Variants in SLC35F1 observed in about 807,000 individuals in gnomAD.
SLC35F1 encodes the protein solute carrier family 35 member F1.
A neutral mutation model predicts 48.7 loss-of-function variants in SLC35F1; 14 were observed. That is an observed-to-expected ratio of 0.29 (90% CI 0.19 to 0.45). The LOEUF is 0.45. Among genes scored for constraint, SLC35F1 ranks in the 20% least tolerant of loss-of-function variants. The pLI is 1.00. For missense variants in SLC35F1, 404 were observed against 500.0 expected (o/e 0.81, Z 1.83); for synonymous variants, 190 against 202.2 (o/e 0.94, Z 0.51).
intron 1 of SLC35F1, among the ~76,000 whole-genome samples, chr6:118,145,176 CTTTG>C (rs1421587697): frequency 6.6e-6 from 1 of 152,150 alleles, no homozygotes; most frequent in Non-Finnish European, 1.5e-5. Flanking sequence ...TGTTTCCTGT[CTTTG>C]TGGATTGACC....
intron 1 of SLC35F1, among the ~76,000 whole-genome samples, chr6:117,975,502 G>A (rs1475159565): frequency 6.6e-6 from 1 of 152,106 alleles, no homozygotes; most frequent in Non-Finnish European, 1.5e-5. Context: ...ATTTTAGTAT[G>A]ATCTCCCTCC....
At chr6:118,033,547 A>T (rs1772082981) in intron 1 of SLC35F1, among the ~76,000 whole-genome samples, 1 of 152,188 alleles carries the variant, frequency 6.6e-6, no homozygotes, top group Non-Finnish European at 1.5e-5. Context: ...ACAATTTTAA[A>T]ACATCCCATT....
At chr6:118,009,089 A>G (rs991000486) in intron 1 of SLC35F1, among the ~76,000 whole-genome samples, 3 of 152,302 alleles carry the variant, frequency 2.0e-5, no homozygotes, top group Non-Finnish European at 1.5e-5. Context: ...CGAGCAACAA[A>G]TCAAGATACT....
intron 1 of SLC35F1, among the ~76,000 whole-genome samples, chr6:117,914,389 A>T (rs1775802546): frequency 2.0e-5 from 3 of 152,116 alleles, no homozygotes; most frequent in Non-Finnish European, 4.4e-5. Flanking sequence ...GATTTTTAAA[A>T]CCAAATCATA....
intron 1 of SLC35F1, among the ~76,000 whole-genome samples, chr6:118,033,429 T>G (rs1772081374): frequency 6.6e-6 from 1 of 152,140 alleles, no homozygotes; most frequent in Non-Finnish European, 1.5e-5. Flanking sequence ...TATTTTTGGG[T>G]GCATTAATAA....
chr6:118,236,471 G>A (rs931787917), intron 3 of SLC35F1, among the ~76,000 whole-genome samples: 1 of 152,090 alleles, frequency 6.6e-6, no homozygotes, highest in Non-Finnish European at 1.5e-5. Context: ...GATACTTCCT[G>A]CCATCTTGTC....
In SLC35F1 at chr6:117,941,641, T is replaced by C. The variant is rs557232447; in HGVS notation, c.173+33742T>C. The stretch of plus-strand genomic sequence containing the variant: ...ACAATATTATATTTGCCTTTGGAGA[T>C]TATTGATTTGGTTACTAATATTGCA... On this transcript the variant is annotated intron_variant, in intron 1 of 7. Transcript: ENST00000360388. Among the ~76,000 whole-genome samples the C allele has an allele frequency of 5.3e-5, 8 of 152,372 alleles. No individual in the cohort carries two copies. The East Asian group carries it at 1.5e-3, about 29-fold the overall frequency.
chr6:118,269,084 A>G (rs1057287242), intron 4 of SLC35F1, among the ~76,000 whole-genome samples: 1 of 152,238 alleles, frequency 6.6e-6, no homozygotes, highest in Non-Finnish European at 1.5e-5. Flanking sequence ...TTAAGCCTAG[A>G]ATGTTAAGCT....
chr6:118,150,741 G>A (rs1399785326), intron 1 of SLC35F1, among the ~76,000 whole-genome samples: 4 of 152,054 alleles, frequency 2.6e-5, no homozygotes, highest in Non-Finnish European at 5.9e-5. Context: ...CCAGTGATAG[G>A]ATAAGCTAAA....
intron 2 of SLC35F1, among the ~76,000 whole-genome samples, chr6:118,220,324 G>A (rs74485040): frequency 0.029 from 4,354 of 152,200 alleles, 218 homozygotes; most frequent in African/African-American, 0.099. Flanking sequence ...TCCCTGAGAA[G>A]GCAGGAATCG....
chr6:117,999,104 C>G, intron 1 of SLC35F1: 7 of 1,559,510 alleles, frequency 4.5e-6, no homozygotes, highest in Non-Finnish European at 6.1e-6. Context: ...GAGGAACATG[C>G]GCTTTGCCAA....
At chr6:118,307,902 C>T (rs184275772) in intron 7 of SLC35F1, among the ~76,000 whole-genome samples, 1 of 152,296 alleles carries the variant, frequency 6.6e-6, no homozygotes, top group East Asian at 1.9e-4. Context: ...CAGGTATGAT[C>T]CTCAGCCCTC....
At chr6:118,075,266 T>G (rs1457381275) in intron 1 of SLC35F1, among the ~76,000 whole-genome samples, 2 of 152,234 alleles carry the variant, frequency 1.3e-5, no homozygotes, top group Admixed American at 6.5e-5. Flanking sequence ...ATTTTTAGTT[T>G]CTTCAGTAAT....
chr6:118,228,942 G>A (rs1297639631), intron 2 of SLC35F1, among the ~76,000 whole-genome samples: 3 of 151,012 alleles, frequency 2.0e-5, no homozygotes, highest in Non-Finnish European at 4.4e-5. Context: ...CCAAAATAAC[G>A]CAGCTTCTTG....
rs1384186791 is a variant in SLC35F1, at chr6:118,314,325, A to G, written c.*73A>G. 6.6e-5 allele frequency: 90 copies of G among 1,358,556 alleles called. No individual in the cohort carries two copies. The highest frequency in any genetic ancestry group is 1.0e-6 in the Non-Finnish European group (1 of 962,732). The allele number at this position is 1,358,556 out of a possible 1,614,324, so 84.2% of individuals were successfully genotyped here. ...TGCCCATCATCTCTGTATTGTACAT[A>G]GAGAAAGGTATTTACTAGGTGCAGT... On this transcript the variant is annotated 3_prime_UTR_variant, in exon 8 of 8. Coordinates refer to ENST00000360388, the MANE Select transcript of SLC35F1 (RefSeq NM_001029858.4).
chr6:118,088,370 G>A (rs895510462), intron 1 of SLC35F1, among the ~76,000 whole-genome samples: 2 of 152,124 alleles, frequency 1.3e-5, no homozygotes, highest in African/African-American at 4.8e-5. Context: ...TGGGTCACAG[G>A]GTTGCTCTCA....
intron 1 of SLC35F1, among the ~76,000 whole-genome samples, chr6:118,136,348 A>G (rs978588762): frequency 2.0e-5 from 3 of 152,234 alleles, no homozygotes; most frequent in African/African-American, 7.2e-5. Flanking sequence ...AGTTGTCCCT[A>G]CAGTGCTGAA....
chr6:118,105,445 A>C (rs1773314825), intron 1 of SLC35F1, among the ~76,000 whole-genome samples: 1 of 152,188 alleles, frequency 6.6e-6, no homozygotes, highest in Admixed American at 6.5e-5. Flanking sequence ...CTCCAAAATA[A>C]ATAATTCAAG....
intron 3 of SLC35F1, among the ~76,000 whole-genome samples, chr6:118,265,371 T>A (rs1775759084): frequency 6.6e-6 from 1 of 152,226 alleles, no homozygotes; most frequent in Non-Finnish European, 1.5e-5. Context: ...AGTGTTCTGA[T>A]GCCAATAATC....
Sources: gnomAD v4.1 joint callset for allele counts (sites outside exome capture counted in the v4.1 genomes callset) on GRCh38, gnomAD v4.1.1 for gene constraint, MANE v1.5 for transcripts, NCBI Gene and HGNC (gene_info 2026-07-23, HGNC 2026-07-21) for gene names.